Variants in CHRM2 observed in about 807,000 individuals in gnomAD.
CHRM2 encodes muscarinic acetylcholine receptor M2.
Under a neutral mutation model 25.0 loss-of-function variants are expected in CHRM2, and 8 were observed. The ratio of observed to expected loss-of-function variants is 0.32; its 90% CI spans 0.19 to 0.58. The LOEUF is 0.58. CHRM2 is among the 20% of genes least tolerant of loss of function. The pLI, the probability that CHRM2 is intolerant of heterozygous loss-of-function variation, is 0.88. For missense variants in CHRM2, 440 were observed against 567.1 expected (o/e 0.78, Z 2.28); for synonymous variants, 202 against 205.7 (o/e 0.98, Z 0.15).
rs934036474 is a variant in CHRM2, at chr7:136,870,886, G to C, written c.-125+1468G>C. On this transcript the variant is annotated intron_variant, in intron 2 of 3. Coordinates refer to ENST00000680005, the MANE Select transcript of CHRM2 (RefSeq NM_001006630.2). ...CTCAAGCTCCGGAATCCCCCACATCGACTTTCTATTTCCCTGTCTTCTTTT... is the reference window on the plus strand; with the variant it reads ...CTCAAGCTCCGGAATCCCCCACATCCACTTTCTATTTCCCTGTCTTCTTTT... 2.6e-5 allele frequency: 4 copies of C among 152,454 alleles called. No homozygotes were observed. The East Asian group carries it at 7.7e-4, about 29-fold the overall frequency. The allele number at this position is 152,454 out of a possible 1,614,324, so 9.4% of individuals were successfully genotyped here. A position where few individuals can be genotyped will look rare whatever the true frequency, so the allele number is the denominator to read the frequency against.
At chr7:136,887,580 A>AT (rs1248153465) in intron 2 of CHRM2, among the ~76,000 whole-genome samples, 1 of 152,200 alleles carries the variant, frequency 6.6e-6, no homozygotes, top group African/African-American at 2.4e-5. Flanking sequence ...TCTCCAGAGA[A>AT]GTGAGTTAAG....
At chr7:136,878,933 A>G (rs192623230) in intron 2 of CHRM2, among the ~76,000 whole-genome samples, 1 of 152,024 alleles carries the variant, frequency 6.6e-6, no homozygotes, top group East Asian at 1.9e-4. Context: ...GGAAAAAGAG[A>G]GAGAGAAGAA....
At chr7:137,000,532 A>T (rs1179658765) in intron 3 of CHRM2, among the ~76,000 whole-genome samples, 1 of 74,232 alleles carries the variant, frequency 1.3e-5, no homozygotes, top group Non-Finnish European at 3.0e-5. Flanking sequence ...AAAAAGAAAG[A>T]AAGAAAAGAA....
At chr7:136,888,149 T>G (rs1796541776) in intron 2 of CHRM2, among the ~76,000 whole-genome samples, 1 of 152,218 alleles carries the variant, frequency 6.6e-6, no homozygotes, top group South Asian at 2.1e-4. Context: ...TGTGTTACTT[T>G]GCCCTGCAAT....
At chr7:136,965,283 T>G (rs1801341340) in intron 2 of CHRM2, among the ~76,000 whole-genome samples, 3 of 152,044 alleles carry the variant, frequency 2.0e-5, no homozygotes, top group African/African-American at 7.2e-5. Flanking sequence ...GGAGTCCATT[T>G]TTTTTTCCTA....
intron 2 of CHRM2, chr7:136,899,694 C>A (rs1252654837): frequency 6.6e-6 from 1 of 152,012 alleles, no homozygotes; most frequent in Non-Finnish European, 1.5e-5. Context: ...AATATTAAAT[C>A]CTGCATACTC....
At chr7:136,892,315 T>C (rs1460517822) in intron 2 of CHRM2, among the ~76,000 whole-genome samples, 1 of 152,206 alleles carries the variant, frequency 6.6e-6, no homozygotes, top group Non-Finnish European at 1.5e-5. Context: ...CAAAATTTAT[T>C]TTCTGTGACA....
At chr7:136,897,144 A>AG (rs1796945606) in intron 2 of CHRM2, among the ~76,000 whole-genome samples, 1 of 151,690 alleles carries the variant, frequency 6.6e-6, no homozygotes, top group African/African-American at 2.4e-5. Flanking sequence ...AAAAAAAAAA[A>AG]AAGAAGACAT....
At chr7:136,910,811 G>GTGTGTA (rs1797801655) in intron 2 of CHRM2, among the ~76,000 whole-genome samples, 1 of 145,736 alleles carries the variant, frequency 6.9e-6, no homozygotes, top group Non-Finnish European at 1.5e-5. Flanking sequence ...GTGTGTGTGT[G>GTGTGTA]TGTGTGTGTG....
chr7:136,956,405 T>C (rs1241710566), intron 2 of CHRM2, among the ~76,000 whole-genome samples: 1 of 152,222 alleles, frequency 6.6e-6, no homozygotes, highest in Non-Finnish European at 1.5e-5. Flanking sequence ...AAATGTCAAC[T>C]CTTAGTCATC....
Position 137,015,285 on chromosome 7 carries a change from AG to A in CHRM2, c.422del (p.Gly141ValfsTer2). The A allele has an allele frequency of 6.2e-7, 1 of 1,613,354 alleles. No homozygotes were observed. The highest frequency in any genetic ancestry group is 8.5e-7 in the Non-Finnish European group (1 of 1,179,638). ...CAGTCAAGCGGACCACAAAAATGGC[AG>A]GTATGATGATTGCAGCTGCCTGGGT... ...YPVKRTTKMAGMMIAAAWVLS... is the reference protein window; with the variant it reads ...YPVKRTTKMAXMMIAAAWVLS... On this transcript the variant is annotated frameshift_variant, in exon 4 of 4. Coordinates refer to ENST00000680005, the MANE Select transcript of CHRM2 (RefSeq NM_001006630.2). LOFTEE classifies it high-confidence loss of function. This position sits in a 1 kb window ranked among gnomAD's most constrained non-coding sequence, Gnocchi z 5.1.
chr7:137,017,912 T>C lies in CHRM2; in HGVS notation c.*1646T>C, dbSNP rs561611445. The C allele has an allele frequency of 6.6e-5, 10 of 152,088 alleles. No homozygotes were observed. Among genetic ancestry groups the C allele is most frequent in the South Asian group, 4.1e-4 (2 of 4,828 alleles). 9.4% of individuals were successfully genotyped at this position (152,088 alleles called of 1,614,324 possible). On this transcript the variant is annotated 3_prime_UTR_variant, in exon 4 of 4. Coordinates refer to ENST00000680005, the MANE Select transcript of CHRM2 (RefSeq NM_001006630.2). ...AGGATTAGGATTATACGGATTCACA[T>C]ACAACTAGTTATTTTTATCCTTTAT...
intron 2 of CHRM2, among the ~76,000 whole-genome samples, chr7:136,888,477 T>TACATATGTGAATAGGAATA (rs1291020759): frequency 6.6e-6 from 1 of 152,150 alleles, no homozygotes; most frequent in African/African-American, 2.4e-5. Context: ...AGAAAGGAAT[T>TACATATGTGAATAGGAATA]ACATATGTGA....
intron 3 of CHRM2, among the ~76,000 whole-genome samples, chr7:136,999,299 G>A (rs2131053878): frequency 6.6e-6 from 1 of 152,190 alleles, no homozygotes; most frequent in Admixed American, 6.5e-5. Flanking sequence ...GGGTTGACAG[G>A]TGCAGCAAAC....
intron 3 of CHRM2, among the ~76,000 whole-genome samples, chr7:136,995,146 C>A (rs570112787): frequency 6.6e-6 from 1 of 152,022 alleles, no homozygotes; most frequent in Non-Finnish European, 1.5e-5. Flanking sequence ...AAGTACAAAA[C>A]TAATAATTTT....
chr7:136,978,319 T>C (rs1802244206), intron 2 of CHRM2, among the ~76,000 whole-genome samples: 1 of 152,228 alleles, frequency 6.6e-6, no homozygotes, highest in South Asian at 2.1e-4. Flanking sequence ...TAGCATGGCA[T>C]ACACAAACTG....
chr7:136,875,912 C>T (rs1228176742), intron 2 of CHRM2, among the ~76,000 whole-genome samples: 1 of 152,088 alleles, frequency 6.6e-6, no homozygotes. Flanking sequence ...TCCTCCTCTT[C>T]GTGGAATTTA....
chr7:136,943,254 A>G (rs1799876896), intron 2 of CHRM2, among the ~76,000 whole-genome samples: 1 of 152,104 alleles, frequency 6.6e-6, no homozygotes, highest in African/African-American at 2.4e-5. Context: ...GAATAAATCT[A>G]TCACCTCCTA....
intron 3 of CHRM2, among the ~76,000 whole-genome samples, chr7:136,992,930 G>A (rs1037130944): frequency 6.6e-6 from 1 of 152,168 alleles, no homozygotes; most frequent in African/African-American, 2.4e-5. Flanking sequence ...ACTGATGGAT[G>A]AGGCCCTGCA....
Sources: gnomAD v4.1 joint callset for allele counts (sites outside exome capture counted in the v4.1 genomes callset) on GRCh38, gnomAD v4.1.1 for gene constraint, Gnocchi (gnomAD v3.1) non-coding constraint, MANE v1.5 for transcripts, NCBI Gene and HGNC (gene_info 2026-07-23, HGNC 2026-07-21) for gene names.